RANBP17: variants seen among roughly 807,000 people sequenced by gnomAD.
RANBP17 encodes the protein RAN binding protein 17, also known as ran-binding protein 17.
In RANBP17, 158 loss-of-function variants were observed where a neutral mutation model predicts 141.2. The ratio of observed to expected loss-of-function variants is 1.12; its 90% CI spans 0.98 to 1.28. The LOEUF is 1.28. Among genes scored for constraint, RANBP17 ranks in the 50% most tolerant of loss-of-function variants. The pLI, the probability that RANBP17 is intolerant of heterozygous loss-of-function variation, is 0.00. For synonymous variants in RANBP17, 430 were observed against 450.0 expected (o/e 0.96, Z 0.56); for missense variants, 1,438 against 1,290.7 (o/e 1.11, Z -1.75).
chr5:171,273,551 C>G (rs981090207), intron 25 of RANBP17, among the ~76,000 whole-genome samples: 4 of 152,146 alleles, frequency 2.6e-5, no homozygotes, highest in Non-Finnish European at 4.4e-5. Flanking sequence ...CCCAGTGTTG[C>G]CAGATACATT....
chr5:171,237,284 G>A (rs1764603905), intron 22 of RANBP17, among the ~76,000 whole-genome samples: 1 of 152,130 alleles, frequency 6.6e-6, no homozygotes, highest in African/African-American at 2.4e-5. Flanking sequence ...AGCTATTAAT[G>A]AGGAAAATAT....
At chr5:170,943,533 G>T (rs562276778) in intron 12 of RANBP17, among the ~76,000 whole-genome samples, 35 of 152,160 alleles carry the variant, frequency 2.3e-4, no homozygotes, top group African/African-American at 7.9e-4. Flanking sequence ...AGGAAAAAAT[G>T]TTCTATGTTT....
At chr5:170,899,368 T>C (rs1251103524) in intron 5 of RANBP17, among the ~76,000 whole-genome samples, 1 of 152,234 alleles carries the variant, frequency 6.6e-6, no homozygotes, top group Non-Finnish European at 1.5e-5. Context: ...ACATTGATTT[T>C]GTATCTGAGA....
intron 14 of RANBP17, among the ~76,000 whole-genome samples, chr5:171,036,096 G>A (rs1023455347): frequency 2.0e-5 from 3 of 151,998 alleles, no homozygotes; most frequent in Non-Finnish European, 4.4e-5. Flanking sequence ...AAATATTCAA[G>A]CTATTTTATT....
At chr5:171,112,675 G>C (rs1474784169) in intron 14 of RANBP17, among the ~76,000 whole-genome samples, 1 of 151,888 alleles carries the variant, frequency 6.6e-6, no homozygotes, top group African/African-American at 2.4e-5. Context: ...TAACCAAATA[G>C]TATTGTCTGC....
chr5:171,292,297 G>A (rs914748616), intron 25 of RANBP17, among the ~76,000 whole-genome samples: 5 of 152,216 alleles, frequency 3.3e-5, no homozygotes, highest in African/African-American at 4.8e-5. Flanking sequence ...AATGGCAGAC[G>A]TTTAGAACGG....
chr5:170,899,402 T>G (rs368197138), intron 5 of RANBP17, among the ~76,000 whole-genome samples: 2 of 152,270 alleles, frequency 1.3e-5, no homozygotes, highest in African/African-American at 4.8e-5. Context: ...GCTTATCAGC[T>G]TTAAGGAGAT....
chr5:171,075,772 G>A (rs1784878756), intron 14 of RANBP17, among the ~76,000 whole-genome samples: 1 of 152,078 alleles, frequency 6.6e-6, no homozygotes, highest in African/African-American at 2.4e-5. Flanking sequence ...GGCCACGATG[G>A]CGAAACCCTG....
intron 14 of RANBP17, among the ~76,000 whole-genome samples, chr5:171,045,540 A>G (rs990967227): frequency 6.6e-5 from 10 of 152,308 alleles, no homozygotes; most frequent in Middle Eastern, 3.4e-3. Context: ...ATGCTTCTTA[A>G]TCACTTTTAC....
chr5:170,867,519 G>A (rs2127307813), intron 1 of RANBP17, among the ~76,000 whole-genome samples: 1 of 152,206 alleles, frequency 6.6e-6, no homozygotes, highest in East Asian at 1.9e-4. Context: ...GGAAAAGGTA[G>A]TAAGAGGAAG....
At chr5:170,986,777 G>A (rs946142915) in intron 14 of RANBP17, among the ~76,000 whole-genome samples, 1 of 151,850 alleles carries the variant, frequency 6.6e-6, no homozygotes, top group Non-Finnish European at 1.5e-5. Flanking sequence ...CACATATGAA[G>A]CAGCAGATGG....
At chr5:171,244,861 C>T (rs1385265368) in intron 24 of RANBP17, among the ~76,000 whole-genome samples, 2 of 152,124 alleles carry the variant, frequency 1.3e-5, no homozygotes, top group African/African-American at 2.4e-5. Flanking sequence ...CGCGGTGGCT[C>T]ACGCCTGTAA....
chr5:171,241,142 A>G lies in RANBP17; in HGVS notation c.2637A>G (p.Leu879=), dbSNP rs1440897308. The change falls in exon 23 of 28, where the codon CTA becomes CTG. Residue 879 remains leucine (L), a splice_region_variant and synonymous_variant. Coordinates refer to ENST00000523189, the MANE Select transcript of RANBP17 (RefSeq NM_022897.5). ...TGTCAGTGTCCCACAGTGACTTGCT[A>G]GTAAGCAATCATGCATCATGGGAGT... ...MLLSVSHSDL[L]QYRKLSQSYY... is the part of the protein sequence containing the mutation. The G allele has an allele frequency of 6.2e-7, 1 of 1,609,282 alleles. No homozygotes were observed. Among genetic ancestry groups the G allele is most frequent in the Non-Finnish European group, 8.5e-7 (1 of 1,176,008 alleles).
At chr5:171,181,558 A>T (rs1219874451) in intron 16 of RANBP17, among the ~76,000 whole-genome samples, 2 of 152,248 alleles carry the variant, frequency 1.3e-5, no homozygotes, top group Non-Finnish European at 2.9e-5. Context: ...TTACTGTCTA[A>T]TACAGATACA....
intron 14 of RANBP17, among the ~76,000 whole-genome samples, chr5:171,069,184 T>C (rs1242594957): frequency 6.6e-6 from 1 of 152,174 alleles, no homozygotes; most frequent in African/African-American, 2.4e-5. Flanking sequence ...GATTGAAACA[T>C]TGCTGGCCAG....
chr5:171,080,244 AACACAC>A lies in RANBP17; in HGVS notation c.1711-89859_1711-89854del, dbSNP rs5873252. 1.5e-3 allele frequency among the ~76,000 whole-genome samples: 219 copies of A among 147,378 alleles called. 1 individual carries two copies. The Middle Eastern group carries it at 0.018, about 12-fold the overall frequency. On this transcript the variant is annotated intron_variant, in intron 14 of 27. Transcript: ENST00000523189. ...TATTATCTTACATACACACACACAA[AACACAC>A]ACACACACACACACACACACACACA...
intron 14 of RANBP17, among the ~76,000 whole-genome samples, chr5:171,125,473 G>C (rs1018311793): frequency 1.3e-5 from 2 of 151,004 alleles, no homozygotes; most frequent in Admixed American, 6.6e-5. Flanking sequence ...GGATATAATA[G>C]TTGTAAATAT....
intron 14 of RANBP17, among the ~76,000 whole-genome samples, chr5:170,990,129 A>T (rs62393912): frequency 0.014 from 2,189 of 151,966 alleles, 14 homozygotes; most frequent in Non-Finnish European, 0.021. Context: ...AATTCATAGC[A>T]TAGTTTGCAA....
chr5:170,965,501 A>G (rs1776489304), intron 13 of RANBP17, among the ~76,000 whole-genome samples: 1 of 152,178 alleles, frequency 6.6e-6, no homozygotes, highest in Non-Finnish European at 1.5e-5. Context: ...GGTAATGCCT[A>G]GGTTTTCTTC....
Sources: allele counts gnomAD v4.1 joint callset (sites outside exome capture counted in the v4.1 genomes callset), GRCh38; gene constraint gnomAD v4.1.1; transcripts MANE v1.5; gene names NCBI Gene and HGNC (gene_info 2026-07-23, HGNC 2026-07-21).